ABCA5: variants seen among roughly 807,000 people sequenced by gnomAD.
ABCA5 encodes the protein ATP binding cassette subfamily A member 5.
In ABCA5, 163 loss-of-function variants were observed where a neutral mutation model predicts 206.0. The ratio of observed to expected loss-of-function variants is 0.79; its 90% CI spans 0.70 to 0.90. The LOEUF is 0.90. Among genes scored for constraint, ABCA5 ranks in the 40% least tolerant of loss-of-function variants. The pLI, the probability that ABCA5 is intolerant of heterozygous loss-of-function variation, is 0.00. For missense variants in ABCA5, 1,859 were observed against 1,912.9 expected (o/e 0.97, Z 0.53); for synonymous variants, 609 against 613.8 (o/e 0.99, Z 0.11).
At position 69,319,856 on chromosome 17, in the gene ABCA5, A is replaced by G. The variant is rs569547486; in HGVS notation, c.-15-5426T>C. On this transcript the variant is annotated intron_variant, in intron 1 of 38. Coordinates refer to ENST00000392676, the MANE Select transcript of ABCA5 (RefSeq NM_172232.4). ...TATTACAAAGGCACCAAAATTAACA[A>G]ACATAAGAACTAATAATGCCCAAAG... is the stretch of plus-strand genomic sequence containing the variant. Among the ~76,000 whole-genome samples the G allele has an allele frequency of 7.2e-5, 11 of 152,310 alleles. No individual in the cohort carries two copies. In the East Asian group the frequency reaches 2.1e-3, roughly 29 times the overall value.
chr17:69,308,375 G>A lies in ABCA5; in HGVS notation c.470-7C>T. On this transcript the variant is annotated splice_polypyrimidine_tract_variant and splice_region_variant and intron_variant, in intron 4 of 38. Transcript: ENST00000392676. ...CATGATTTTGAACAGCCAGCTATGG[G>A]GGGAAGAATATGAGATCTAAGATTC... 6.2e-7 allele frequency: 1 copy of A among 1,601,058 alleles called. No homozygotes were observed. Among genetic ancestry groups the A allele is most frequent in the South Asian group, 1.1e-5 (1 of 90,534 alleles).
rs333936 is a variant in ABCA5 at position 69,322,284 on chromosome 17, C to T, written c.-16+4768G>A. 9.7e-4 allele frequency among the ~76,000 whole-genome samples: 143 copies of T among 146,724 alleles called. 2 individuals carry two copies. The East Asian group carries it at 0.028, about 29-fold the overall frequency. Reference sequence around the variant, plus strand: ...ACTCAGGAGGCTGAGGCAGGAGAATCACTCGAACCCGGGAGGTGAAAGTTG... The same window carrying T: ...ACTCAGGAGGCTGAGGCAGGAGAATTACTCGAACCCGGGAGGTGAAAGTTG... On this transcript the variant is annotated intron_variant, in intron 1 of 38. Coordinates refer to ENST00000392676, the MANE Select transcript of ABCA5 (RefSeq NM_172232.4).
intron 11 of ABCA5, among the ~76,000 whole-genome samples, chr17:69,292,360 T>C (rs1598184359): frequency 6.6e-6 from 1 of 152,222 alleles, no homozygotes; most frequent in African/African-American, 2.4e-5. Flanking sequence ...CCTGTAAGCA[T>C]ATTTTTTGAT....
intron 24 of ABCA5, among the ~76,000 whole-genome samples, chr17:69,262,552 A>G (rs1034764475): frequency 6.6e-6 from 1 of 152,144 alleles, no homozygotes; most frequent in Non-Finnish European, 1.5e-5. Flanking sequence ...TGCTGCTGCA[A>G]CAGACATAAT....
chr17:69,289,544 T>C (rs2075501185), intron 13 of ABCA5, among the ~76,000 whole-genome samples: 1 of 152,110 alleles, frequency 6.6e-6, no homozygotes. Flanking sequence ...ATTTTGTGCC[T>C]TCTTGGGTGG....
At chr17:69,270,223 G>A (rs952172963) in intron 22 of ABCA5, among the ~76,000 whole-genome samples, 20 of 152,010 alleles carry the variant, frequency 1.3e-4, no homozygotes, top group Non-Finnish European at 2.8e-4. Context: ...CTGTAATCTT[G>A]ATTCTGATAT....
chr17:69,250,268 TAC>T (rs1302356600), intron 36 of ABCA5, among the ~76,000 whole-genome samples: 1 of 151,720 alleles, frequency 6.6e-6, no homozygotes, highest in African/African-American at 2.4e-5. Context: ...TTGGTGATAA[TAC>T]AGAGAGAGAT....
At chr17:69,296,445 T>C (rs569096192) in intron 10 of ABCA5, among the ~76,000 whole-genome samples, 1 of 152,326 alleles carries the variant, frequency 6.6e-6, no homozygotes, top group East Asian at 1.9e-4. Flanking sequence ...ATGAATTTCT[T>C]TGGTTCTTAA....
At chr17:69,309,093 AG>A (rs1488141419) in intron 4 of ABCA5, among the ~76,000 whole-genome samples, 168 bp downstream of exon 4, 4 of 152,182 alleles carry the variant, frequency 2.6e-5, no homozygotes, top group Non-Finnish European at 5.9e-5. Flanking sequence ...AGAAGTAGAT[AG>A]GTATTTATAA....
At chr17:69,268,431 A>T (rs79000044) in intron 22 of ABCA5, among the ~76,000 whole-genome samples, 1,798 of 152,170 alleles carry the variant, frequency 0.012, 19 homozygotes, top group Non-Finnish European at 0.017. Flanking sequence ...AATAATAAAT[A>T]TCTAAGAATG....
chr17:69,306,949 C>A lies in ABCA5; in HGVS notation c.564G>T (p.Lys188Asn), dbSNP rs1178548197. 6.5e-7 allele frequency: 1 copy of A among 1,529,874 alleles called. No individual in the cohort carries two copies. Among genetic ancestry groups the A allele is most frequent in the African/African-American group, 1.4e-5 (1 of 70,796 alleles). The allele number at this position is 1,529,874 out of a possible 1,614,324, so 94.8% of individuals were successfully genotyped here. A position where few individuals can be genotyped will look rare whatever the true frequency, so the allele number is the denominator to read the frequency against. ...ASIDAAIIQLKTNVSLWKELE... is the reference protein window; with the variant it reads ...ASIDAAIIQLNTNVSLWKELE... ...GCTCCTTCCAAAGAGAAACATTGGT[C>A]TTCAACTATAATTAGAAAATGTAAA... The change falls in exon 6 of 39, where the codon AAG becomes AAT. Residue 188 changes from lysine (K) to asparagine (N), a missense_variant. Transcript: ENST00000392676.
At chr17:69,293,869 T>G (rs553528882) in intron 11 of ABCA5, among the ~76,000 whole-genome samples, 1 of 82,018 alleles carries the variant, frequency 1.2e-5, no homozygotes, top group Non-Finnish European at 2.7e-5. Context: ...TGTGTGTGTG[T>G]GTGCGTGTGT....
intron 36 of ABCA5, 25 bp downstream of exon 36, chr17:69,250,447 A>G (rs1444343904): frequency 1.3e-6 from 2 of 1,586,090 alleles, no homozygotes; most frequent in Admixed American, 3.8e-5. Context: ...ATAAAGAAAT[A>G]TAACCACATT....
chr17:69,306,621 A>G, intron 6 of ABCA5, 104 bp downstream of exon 6: 6 of 509,760 alleles, frequency 1.2e-5, no homozygotes, highest in Non-Finnish European at 1.8e-5. Context: ...AAAACAGGAT[A>G]AGCACATCAT....
At chr17:69,279,670 G>T (rs1340778349) in intron 18 of ABCA5, among the ~76,000 whole-genome samples, 7 of 151,518 alleles carry the variant, frequency 4.6e-5, no homozygotes, top group South Asian at 2.1e-4. Flanking sequence ...GCATGGTACT[G>T]GTACCAAAAC....
chr17:69,321,805 C>T (rs984795289), intron 1 of ABCA5, among the ~76,000 whole-genome samples: 2 of 151,900 alleles, frequency 1.3e-5, no homozygotes, highest in African/African-American at 2.4e-5. Context: ...CACAGCATAC[C>T]TGAGAAATGT....
At chr17:69,259,860 C>T in intron 27 of ABCA5, 63 bp from the exon 28 acceptor site, 1 of 1,056,412 alleles carries the variant, frequency 9.5e-7, no homozygotes, top group Non-Finnish European at 1.4e-6. Flanking sequence ...GTTGTTTTTT[C>T]CTTTGCCAAC....
At chr17:69,267,425 G>T (rs1034154827) in intron 23 of ABCA5, among the ~76,000 whole-genome samples, 1 of 152,162 alleles carries the variant, frequency 6.6e-6, no homozygotes, top group Admixed American at 6.5e-5. Flanking sequence ...GAAAGTGAAA[G>T]AATACCAAAG....
chr17:69,258,968 G>A (rs1192502860), intron 28 of ABCA5, among the ~76,000 whole-genome samples: 1 of 152,056 alleles, frequency 6.6e-6, no homozygotes, highest in Non-Finnish European at 1.5e-5. Context: ...GCATTGGCAA[G>A]GATGTGGAGA....
Sources: allele counts gnomAD v4.1 joint callset (sites outside exome capture counted in the v4.1 genomes callset), GRCh38; gene constraint gnomAD v4.1.1; transcripts MANE v1.5; gene names NCBI Gene and HGNC (gene_info 2026-07-23, HGNC 2026-07-21).